Variants in TMEM80 observed in about 807,000 individuals in gnomAD.
TMEM80 encodes the protein transmembrane protein 80.
A neutral mutation model predicts 13.6 loss-of-function variants in TMEM80; 16 were observed. The ratio of observed to expected loss-of-function variants is 1.17; its 90% CI spans 0.79 to 1.78. The LOEUF is 1.78. TMEM80 is among the 40% of genes most tolerant of loss of function. The pLI is 0.00. For synonymous variants in TMEM80, 92 were observed against 89.5 expected (o/e 1.03, Z -0.16); for missense variants, 167 against 184.6 (o/e 0.90, Z 0.55).
At position 703,010 on chromosome 11, in the gene TMEM80, A is replaced by G; in HGVS notation, c.292A>G (p.Thr98Ala). ...LAASLALTAG[T>A]ALLSAHFLLW... ...CGCCAGCCTGGCCCTCACGGCTGGC[A>G]CCGCCCTCCTCTCTGCCCACTTCCT... Residue 98 changes from threonine (T) to alanine (A), a missense_variant, in exon 5 of 5, where the codon ACC (threonine) becomes GCC (alanine). Thr to Ala is a moderately conservative substitution (Grantham distance 58). Coordinates refer to ENST00000397510, the MANE Select transcript of TMEM80 (RefSeq NM_001042463.3). 1 of 1,612,280 alleles carries G rather than the reference A, an allele frequency of 6.2e-7. No homozygotes were observed. The highest frequency in any genetic ancestry group is 1.1e-5 in the South Asian group (1 of 90,992).
chr11:700,474 C>A (rs1861399333), intron 3 of TMEM80, 141 bp from the exon 4 acceptor site: 4 of 795,762 alleles, frequency 5.0e-6, no homozygotes, highest in Non-Finnish European at 8.5e-6. Context: ...TTCCAGTGAG[C>A]CAAGATTGCG....
downstream of TMEM80, chr11:704,758 C>T (rs931298900): frequency 1.3e-6 from 1 of 764,520 alleles, no homozygotes; most frequent in South Asian, 1.6e-5. Context: ...GAGAGGCCAG[C>T]CTGGACTGTC....
downstream of TMEM80, chr11:704,634 C>T (rs1236619603): frequency 7.8e-7 from 1 of 1,289,314 alleles, no homozygotes; most frequent in South Asian, 1.2e-5. Flanking sequence ...AGACCTGTTG[C>T]CTTCATGGTT....
chr11:700,717 C>T lies in TMEM80; in HGVS notation c.226+10C>T, dbSNP rs199536012. 16 of 1,607,428 alleles carry T rather than the reference C, an allele frequency of 1.0e-5. No individual in the cohort carries two copies. In the African/African-American group the frequency reaches 1.6e-4, roughly 16 times the overall value. On this transcript the variant is annotated intron_variant, in intron 4 of 4. Transcript: ENST00000397510. The stretch of plus-strand genomic sequence containing the variant: ...GTTCGGTTATACCTGGGTGAGTGGA[C>T]TGTTAACACCGTGAAGAACCTGTCC...
downstream of TMEM80, chr11:704,402 GTCCTGGGCCGACTTCCT>G: frequency 8.0e-7 from 1 of 1,246,762 alleles, no homozygotes. Context: ...GCACCCAGTT[GTCCTGGGCCGACTTCCT>G]TTGACCTGTC....
At chr11:700,911 G>A (rs553720757) in intron 4 of TMEM80, 3 of 610,684 alleles carry the variant, frequency 4.9e-6, no homozygotes, top group East Asian at 2.8e-5. Flanking sequence ...TAACACTGGG[G>A]GCATCGTTGG....
In TMEM80 at chr11:700,634, T is replaced by G; in HGVS notation, c.153T>G (p.Pro51=). The change falls in exon 4 of 5, where the codon CCT becomes CCG. Residue 51 remains proline, a synonymous_variant. Transcript: ENST00000397510. The part of the protein sequence containing the change: ...ITYKSQVFSY[P]HRYLVLDLAL... ...CTTCAGGTCAGGTGTTCAGCTATCC[T>G]CACCGCTACCTGGTCCTCGATCTTG... 6.2e-7 allele frequency: 1 copy of G among 1,614,106 alleles called. No homozygotes were observed. Among genetic ancestry groups the G allele is most frequent in the Non-Finnish European group, 8.5e-7 (1 of 1,180,016 alleles).
At chr11:696,700 A>C (rs1232796298) in intron 1 of TMEM80, among the ~76,000 whole-genome samples, 2 of 64,922 alleles carry the variant, frequency 3.1e-5, no homozygotes, top group Non-Finnish European at 6.8e-5. Flanking sequence ...CAGGAGGTCG[A>C]GGTTGCAGTG....
intron 1 of TMEM80, among the ~76,000 whole-genome samples, chr11:696,132 C>A (rs1348031169): frequency 6.6e-6 from 1 of 152,104 alleles, no homozygotes; most frequent in Non-Finnish European, 1.5e-5. Flanking sequence ...TTGTCCCGCG[C>A]GTGGTTTTTG....
rs754974591 is a variant in TMEM80 at position 703,186 on chromosome 11, C to T, written c.*36C>T. The T allele has an allele frequency of 3.2e-6, 5 of 1,566,580 alleles. No individual in the cohort carries two copies. The highest frequency in any genetic ancestry group is 4.3e-6 in the Non-Finnish European group (5 of 1,150,730). ...CCGGGATACCCCACACTGGGGCCCT[C>T]CTCCTGGGCCTGACCAGTCCCCCAG... On this transcript the variant is annotated 3_prime_UTR_variant, in exon 5 of 5. Coordinates refer to ENST00000397510, the MANE Select transcript of TMEM80 (RefSeq NM_001042463.3).
downstream of TMEM80, chr11:704,846 CTGT>C: frequency 2.7e-6 from 1 of 369,898 alleles, no homozygotes; most frequent in Non-Finnish European, 5.2e-6. Flanking sequence ...CACCCCCCAG[CTGT>C]CCTCTCCAGC....
In TMEM80 at chr11:703,474, G is replaced by T. The variant is rs987276452; in HGVS notation, c.*324G>T. 1.6e-6 allele frequency: 2 copies of T among 1,257,524 alleles called. No individual in the cohort carries two copies. Among genetic ancestry groups the T allele is most frequent in the Non-Finnish European group, 2.0e-6 (2 of 1,003,198 alleles). The allele number at this position is 1,257,524 out of a possible 1,614,324, so 77.9% of individuals were successfully genotyped here. A position where few individuals can be genotyped will look rare whatever the true frequency, so the allele number is the denominator to read the frequency against. Reference sequence around the variant, plus strand: ...GCCAGGCCTCCACAGACCCCCATGGGCCCCCAGGGCCGAGAGGGAGGACAG... The same window carrying T: ...GCCAGGCCTCCACAGACCCCCATGGTCCCCCAGGGCCGAGAGGGAGGACAG... On this transcript the variant is annotated 3_prime_UTR_variant, in exon 5 of 5. Transcript: ENST00000397510.
chr11:698,899 G>A lies in TMEM80; in HGVS notation c.39+11G>A, dbSNP rs1861320116. On this transcript the variant is annotated intron_variant, in intron 2 of 4. Transcript: ENST00000397510. ...GGATCCTCCACAGTGGTATCCTGCT[G>A]CGTGCCCCTCCAGGACAGCACCCAG... 1.9e-6 allele frequency: 3 copies of A among 1,614,064 alleles called. No homozygotes were observed.
At chr11:698,754 C>A in intron 1 of TMEM80, 115 bp from the exon 2 acceptor site, 2 of 1,274,442 alleles carry the variant, frequency 1.6e-6, no homozygotes, top group Non-Finnish European at 2.3e-6. Flanking sequence ...CTGCTTTCTA[C>A]AAATACGAGA....
At chr11:701,759 C>T (rs1421223650) in intron 4 of TMEM80, among the ~76,000 whole-genome samples, 1 of 152,184 alleles carries the variant, frequency 6.6e-6, no homozygotes. Context: ...CTCTTGGGCT[C>T]AAGCAATCTG....
At chr11:696,151 C>G (rs1457970297) in intron 1 of TMEM80, among the ~76,000 whole-genome samples, 8 of 152,116 alleles carry the variant, frequency 5.3e-5, no homozygotes, top group Non-Finnish European at 8.8e-5. Flanking sequence ...TGTGAAGACA[C>G]GTGGGCGGGA....
In TMEM80 at chr11:703,801, G is replaced by A. The variant is rs1332357458; in HGVS notation, c.*651G>A. The A allele has an allele frequency of 2.4e-6, 3 of 1,233,062 alleles. No homozygotes were observed. In the African/African-American group the frequency reaches 4.7e-5, roughly 19 times the overall value. The allele number at this position is 1,233,062 out of a possible 1,614,324, so 76.4% of individuals were successfully genotyped here. On this transcript the variant is annotated 3_prime_UTR_variant, in exon 5 of 5. Transcript: ENST00000397510. The stretch of plus-strand genomic sequence containing the variant: ...TCTTAGCCACACTTCTCCCTTCAGG[G>A]GCTTCGGAGGAGAGGTCAGGGCTAA...
upstream of TMEM80, chr11:695,686 G>C: frequency 1.6e-6 from 2 of 1,243,790 alleles, no homozygotes; most frequent in Non-Finnish European, 2.0e-6. Flanking sequence ...ATCGGGCCTC[G>C]GCCGTGGCTC....
chr11:696,622 G>T (rs997804828), intron 1 of TMEM80, among the ~76,000 whole-genome samples: 3 of 89,872 alleles, frequency 3.3e-5, no homozygotes, highest in African/African-American at 1.2e-4. Flanking sequence ...GTAAACATCA[G>T]CCAGGCGGTG....
Sources: gnomAD v4.1 joint callset for allele counts (sites outside exome capture counted in the v4.1 genomes callset) on GRCh38, gnomAD v4.1.1 for gene constraint, MANE v1.5 for transcripts, NCBI Gene and HGNC (gene_info 2026-07-23, HGNC 2026-07-21) for gene names.